ANK1: variants seen among roughly 807,000 people sequenced by gnomAD.
The protein encoded by ANK1 is ankyrin-1.
A neutral mutation model predicts 210.4 loss-of-function variants in ANK1; 51 were observed. The observed-to-expected ratio is 0.24, with a 90% CI of 0.19 to 0.31. ANK1 has a LOEUF of 0.31. Among genes scored for constraint, ANK1 ranks in the 10% least tolerant of loss-of-function variants. ANK1 has a pLI of 1.00. For synonymous variants in ANK1, 967 were observed against 1,025.9 expected (o/e 0.94, Z 1.10); for missense variants, 2,051 against 2,504.4 (o/e 0.82, Z 3.86).
intron 36 of ANK1, among the ~76,000 whole-genome samples, chr8:41,685,874 C>A (rs998250518): frequency 6.6e-6 from 1 of 152,226 alleles, no homozygotes; most frequent in Non-Finnish European, 1.5e-5. Flanking sequence ...CTTGGCCTCC[C>A]AAAGTGTGGG....
At chr8:41,855,886 G>A (rs955373720) in intron 1 of ANK1, among the ~76,000 whole-genome samples, 1 of 152,104 alleles carries the variant, frequency 6.6e-6, no homozygotes, top group South Asian at 2.1e-4. Context: ...TCATCATCTA[G>A]TGTAGGCCGG....
At chr8:41,702,237 GT>G in intron 20 of ANK1, 93 bp from the exon 21 acceptor site, 1 of 1,073,170 alleles carries the variant, frequency 9.3e-7, no homozygotes, top group Non-Finnish European at 1.4e-6. Context: ...TCACCTTCTA[GT>G]TGTTCAGGAG....
At chr8:41,709,560 T>C (rs1825601971) in intron 16 of ANK1, among the ~76,000 whole-genome samples, 1 of 152,262 alleles carries the variant, frequency 6.6e-6, no homozygotes. Flanking sequence ...AAGTGGATAA[T>C]AGCATCTATC....
chr8:41,894,324 G>C (rs374132978), intron 1 of ANK1, among the ~76,000 whole-genome samples: 125 of 152,010 alleles, frequency 8.2e-4, no homozygotes, highest in African/African-American at 2.8e-3. Flanking sequence ...GCTGCGACCG[G>C]CTAGTAAAAC....
intron 1 of ANK1, among the ~76,000 whole-genome samples, chr8:41,848,967 G>A (rs541849851): frequency 4.8e-4 from 73 of 152,278 alleles, no homozygotes; most frequent in African/African-American, 1.7e-3. Flanking sequence ...CCATCCACCT[G>A]GAGCTTGACC....
chr8:41,698,235 G>A (rs758259144), intron 23 of ANK1, 114 bp from the exon 24 acceptor site: 43 of 1,044,296 alleles, frequency 4.1e-5, no homozygotes, highest in Admixed American at 2.7e-4. Flanking sequence ...GCCTGACTGC[G>A]CTTCACAACC....
At chr8:41,864,740 G>A (rs990715437) in intron 1 of ANK1, among the ~76,000 whole-genome samples, 6 of 152,158 alleles carry the variant, frequency 3.9e-5, no homozygotes, top group African/African-American at 9.7e-5. Context: ...CCTAACCGTC[G>A]TCACTCATGG....
At chr8:41,736,935 C>T (rs1049755155) in intron 2 of ANK1, among the ~76,000 whole-genome samples, 11 of 152,184 alleles carry the variant, frequency 7.2e-5, no homozygotes, top group African/African-American at 1.2e-4. Flanking sequence ...GTCTCCAGGG[C>T]ACAGCCACAC....
intron 5 of ANK1, 142 bp from the exon 6 acceptor site, chr8:41,726,088 G>C: frequency 2.2e-6 from 2 of 896,572 alleles, no homozygotes; most frequent in South Asian, 1.4e-5. Flanking sequence ...CTCTTCATCC[G>C]CCAAGTTTAG....
intron 2 of ANK1, among the ~76,000 whole-genome samples, chr8:41,743,757 T>C (rs926552493): frequency 6.6e-6 from 1 of 152,190 alleles, no homozygotes; most frequent in Non-Finnish European, 1.5e-5. Flanking sequence ...CTAGAAAGAA[T>C]TCCGAGCACT....
chr8:41,727,227 C>T (rs372512542), intron 5 of ANK1, 23 bp downstream of exon 5: 91 of 1,597,002 alleles, frequency 5.7e-5, no homozygotes, highest in Admixed American at 2.7e-4. Context: ...CTGGTGGTGA[C>T]GACATTTTTC....
chr8:41,666,531 C>G (rs1402952872), intron 39 of ANK1, among the ~76,000 whole-genome samples: 1 of 152,222 alleles, frequency 6.6e-6, no homozygotes, highest in East Asian at 1.9e-4. Flanking sequence ...GATATTTCCT[C>G]CTAAGTCCTC....
intron 1 of ANK1, among the ~76,000 whole-genome samples, chr8:41,792,492 C>T (rs1847944590): frequency 6.6e-6 from 1 of 152,226 alleles, no homozygotes; most frequent in South Asian, 2.1e-4. Context: ...TCATGGGTTT[C>T]CAATTAATTC....
intron 39 of ANK1, 145 bp downstream of exon 39, chr8:41,668,122 A>C: frequency 4.1e-6 from 5 of 1,212,344 alleles, no homozygotes; most frequent in Middle Eastern, 2.7e-4. Flanking sequence ...CTTGACTTCT[A>C]GAGAAACGGA....
At chr8:41,693,038 G>T in intron 30 of ANK1, 67 bp downstream of exon 30, 1 of 1,534,132 alleles carries the variant, frequency 6.5e-7, no homozygotes, top group South Asian at 1.1e-5. Flanking sequence ...TCAGCCTCAG[G>T]CCTGGACGGC....
intron 1 of ANK1, among the ~76,000 whole-genome samples, chr8:41,872,196 C>T (rs1234759182): frequency 1.3e-5 from 2 of 152,202 alleles, no homozygotes; most frequent in Non-Finnish European, 2.9e-5. Flanking sequence ...AGGAGAGGAG[C>T]CGACCCCCTG....
chr8:41,764,442 C>A (rs1044601813), intron 1 of ANK1, among the ~76,000 whole-genome samples: 82 of 152,220 alleles, frequency 5.4e-4, no homozygotes, highest in African/African-American at 1.9e-3. Context: ...ACATACTGAC[C>A]CAAAAAACAA....
intron 1 of ANK1, among the ~76,000 whole-genome samples, chr8:41,867,303 G>A (rs1395627800): frequency 2.0e-5 from 3 of 152,194 alleles, no homozygotes; most frequent in African/African-American, 7.2e-5. Flanking sequence ...AGAGGCGGAT[G>A]CAAAGTTCTG....
chr8:41,806,925 G>A (rs1851048367), intron 1 of ANK1, among the ~76,000 whole-genome samples: 1 of 152,084 alleles, frequency 6.6e-6, no homozygotes, highest in African/African-American at 2.4e-5. Context: ...AGAAAAATAG[G>A]GGAAAAAGTA....
Sources: gnomAD v4.1 joint callset for allele counts (sites outside exome capture counted in the v4.1 genomes callset) on GRCh38, gnomAD v4.1.1 for gene constraint, MANE v1.5 for transcripts, NCBI Gene and HGNC (gene_info 2026-07-23, HGNC 2026-07-21) for gene names.